The following ATP2B1 variants were observed in gnomAD, a reference collection of about 807,000 sequenced individuals.
The protein encoded by ATP2B1 is plasma membrane calcium-transporting ATPase 1.
ATP2B1 carries 14 observed loss-of-function variants against 124.2 expected under a neutral mutation model. That is an observed-to-expected ratio of 0.11 (90% CI 0.07 to 0.18). The LOEUF (loss-of-function observed/expected upper bound fraction) is 0.18, where lower values mean the gene tolerates loss of function less well. Ranked by LOEUF, ATP2B1 falls within the 10% of genes least tolerant of loss-of-function variation. The pLI, the probability that ATP2B1 is intolerant of heterozygous loss-of-function variation, is 1.00. For synonymous variants in ATP2B1, 449 were observed against 492.4 expected (o/e 0.91, Z 1.17); for missense variants, 763 against 1,466.1 (o/e 0.52, Z 7.83).
At chr12:89,631,692 T>G (rs1881882909) in intron 5 of ATP2B1, among the ~76,000 whole-genome samples, 1 of 152,190 alleles carries the variant, frequency 6.6e-6, no homozygotes, top group African/African-American at 2.4e-5. Flanking sequence ...TAAAATTTCA[T>G]TACAGAAAAC....
chr12:89,677,160 C>T (rs1888714266), intron 1 of ATP2B1, among the ~76,000 whole-genome samples: 1 of 152,124 alleles, frequency 6.6e-6, no homozygotes, highest in Admixed American at 6.6e-5. Context: ...CAGAAGCTTC[C>T]TTTGTCACTG....
intron 1 of ATP2B1, among the ~76,000 whole-genome samples, chr12:89,671,157 A>G (rs1887929021): frequency 6.6e-6 from 1 of 152,194 alleles, no homozygotes; most frequent in Non-Finnish European, 1.5e-5. Flanking sequence ...TGGATTGAGC[A>G]GAACATTCAA....
intron 10 of ATP2B1, among the ~76,000 whole-genome samples, chr12:89,620,855 A>G (rs555895877): frequency 6.6e-6 from 1 of 152,312 alleles, no homozygotes; most frequent in East Asian, 1.9e-4. Context: ...AGCTAGATCT[A>G]GAACCAAGAT....
In ATP2B1 at chr12:89,602,289, A is replaced by T. The variant is rs146805014; in HGVS notation, c.3060+754T>A. Among the ~76,000 whole-genome samples the T allele has an allele frequency of 2.3e-3, 357 of 152,270 alleles. 1 individual carries two copies. Among genetic ancestry groups the T allele is most frequent in the African/African-American group, 7.3e-3 (305 of 41,546 alleles). ...TTAATTAAAAAATAAATAATTTTTT[A>T]AAAAAAGAATCAATTAACAATATTC... On this transcript the variant is annotated intron_variant, in intron 18 of 20. Transcript: ENST00000428670.
intron 10 of ATP2B1, among the ~76,000 whole-genome samples, 176 bp downstream of exon 10, chr12:89,621,373 G>C (rs1879933677): frequency 6.6e-6 from 1 of 151,968 alleles, no homozygotes; most frequent in African/African-American, 2.4e-5. Flanking sequence ...TGTTTATGTT[G>C]ATCAGCAGAC....
At chr12:89,644,656 C>G (rs1487762318) in intron 2 of ATP2B1, among the ~76,000 whole-genome samples, 1 of 151,986 alleles carries the variant, frequency 6.6e-6, no homozygotes, top group South Asian at 2.1e-4. Flanking sequence ...TGAGATTAGT[C>G]TATGCGTAGG....
chr12:89,618,792 T>C (rs147734829), intron 11 of ATP2B1, among the ~76,000 whole-genome samples: 75 of 152,366 alleles, frequency 4.9e-4, no homozygotes, highest in African/African-American at 1.8e-3. Flanking sequence ...TTTGTACCAA[T>C]TTATTATATG....
intron 1 of ATP2B1, among the ~76,000 whole-genome samples, chr12:89,672,720 A>C (rs1424388861): frequency 6.6e-6 from 1 of 152,102 alleles, no homozygotes; most frequent in Non-Finnish European, 1.5e-5. Flanking sequence ...CCACCACAGT[A>C]GAGTCTGGAG....
chr12:89,687,315 T>C (rs1350160386), intron 1 of ATP2B1, among the ~76,000 whole-genome samples: 1 of 152,110 alleles, frequency 6.6e-6, no homozygotes, highest in Non-Finnish European at 1.5e-5. Flanking sequence ...TAACATGCTA[T>C]ATGGGTTTGC....
rs578167696 is a variant in ATP2B1 at position 89,646,724 on chromosome 12, T to G, written c.209-4369A>C. On this transcript the variant is annotated intron_variant, in intron 2 of 20. Coordinates refer to ENST00000428670, the MANE Select transcript of ATP2B1 (RefSeq NM_001366521.1). Reference sequence around the variant, plus strand: ...GATTAGAAAAGAGCTGAACGGACAGTGGGAATGAGCAAGTGGCAACAGTAA... The same window carrying G: ...GATTAGAAAAGAGCTGAACGGACAGGGGGAATGAGCAAGTGGCAACAGTAA... Among the ~76,000 whole-genome samples, 5 of 152,168 alleles carry G rather than the reference T, an allele frequency of 3.3e-5. No homozygotes were observed. The South Asian group carries it at 1.0e-3, about 32-fold the overall frequency.
chr12:89,606,738 A>G (rs190798800), intron 15 of ATP2B1, among the ~76,000 whole-genome samples: 50 of 151,680 alleles, frequency 3.3e-4, no homozygotes, highest in African/African-American at 9.9e-4. Context: ...CACACCCACT[A>G]TTTTGTATTT....
chr12:89,667,511 A>G (rs1173942255), intron 1 of ATP2B1, among the ~76,000 whole-genome samples: 1 of 152,172 alleles, frequency 6.6e-6, no homozygotes, highest in East Asian at 1.9e-4. Context: ...AGACATTTCT[A>G]TCTGAGTATC....
intron 8 of ATP2B1, among the ~76,000 whole-genome samples, chr12:89,625,090 G>T (rs1447550074): frequency 1.3e-5 from 2 of 151,478 alleles, no homozygotes; most frequent in Non-Finnish European, 2.9e-5. Flanking sequence ...CAAACATGGT[G>T]AAACCCCATC....
At chr12:89,612,574 C>T (rs1878211312) in intron 12 of ATP2B1, among the ~76,000 whole-genome samples, 1 of 152,178 alleles carries the variant, frequency 6.6e-6, no homozygotes, top group Non-Finnish European at 1.5e-5. Flanking sequence ...GTAATCTCTT[C>T]ATACTTAATG....
chr12:89,611,345 T>C lies in ATP2B1; in HGVS notation c.2095A>G (p.Arg699Gly). The C allele has an allele frequency of 6.5e-7, 1 of 1,536,014 alleles. No individual in the cohort carries two copies. The highest frequency in any genetic ancestry group is 8.7e-7 in the Non-Finnish European group (1 of 1,144,368). ...EVPDAIKKCQ[R>G]AGITVRMVTG... The stretch of plus-strand genomic sequence containing the variant: ...ACCATCCGCACAGTAATTCCAGCCC[T>C]CTGACACTTTTTAATTGCATCTGGC... The change falls in exon 13 of 21, where the codon AGG (arginine) becomes GGG (glycine). Residue 699 changes from arginine to glycine, a missense_variant. Arg to Gly is a moderately radical substitution (Grantham distance 125). Around this residue, in one of 7 missense-constraint regions of ATP2B1, gnomAD observed 392 missense variants for 776.6 expected, o/e 0.50. Transcript: ENST00000428670.
intron 11 of ATP2B1, 66 bp from the exon 12 acceptor site, chr12:89,617,105 G>T: frequency 1.7e-6 from 2 of 1,199,684 alleles, no homozygotes; most frequent in Non-Finnish European, 2.5e-6. Flanking sequence ...CCATTTAAGT[G>T]AACTGGCAGG....
At chr12:89,596,634 A>T (rs1874667159) in intron 20 of ATP2B1, among the ~76,000 whole-genome samples, 1 of 152,132 alleles carries the variant, frequency 6.6e-6, no homozygotes, top group Non-Finnish European at 1.5e-5. Flanking sequence ...CTCAGAAAAA[A>T]GTTTTATTAA....
intron 3 of ATP2B1, among the ~76,000 whole-genome samples, chr12:89,635,924 C>T (rs1188750833): frequency 2.0e-5 from 3 of 152,142 alleles, no homozygotes; most frequent in African/African-American, 7.2e-5. Context: ...GCTCTCTCTC[C>T]TCATGGAATC....
chr12:89,658,628 A>AGAGAGAGAGAGAGAGAGAGAGG (rs1886276373), intron 1 of ATP2B1, among the ~76,000 whole-genome samples: 3 of 151,148 alleles, frequency 2.0e-5, no homozygotes, highest in Non-Finnish European at 4.4e-5. Flanking sequence ...AGAGAGAGAG[A>AGAGAGAGAGAGAGAGAGAGAGG]GAGAGAGAGA....
Sources: allele counts gnomAD v4.1 joint callset (sites outside exome capture counted in the v4.1 genomes callset), GRCh38; gene constraint gnomAD v4.1.1; regional missense constraint gnomAD v4.1.1; transcripts MANE v1.5; gene names NCBI Gene and HGNC (gene_info 2026-07-23, HGNC 2026-07-21).